The following ATG10 variants were observed in gnomAD, a reference collection of about 807,000 sequenced individuals.
The protein encoded by ATG10 is autophagy related 10, also known as ubiquitin-like-conjugating enzyme ATG10.
Under a neutral mutation model 32.1 loss-of-function variants are expected in ATG10, and 30 were observed. The ratio of observed to expected loss-of-function variants is 0.94; its 90% CI spans 0.70 to 1.27. The LOEUF is 1.27. Ranked by LOEUF, ATG10 falls within the 50% of genes most tolerant of loss-of-function variation. ATG10 has a pLI of 0.00. For synonymous variants in ATG10, 87 were observed against 91.5 expected (o/e 0.95, Z 0.28); for missense variants, 233 against 262.3 (o/e 0.89, Z 0.77).
chr5:82,071,717 A>G (rs1346744705), intron 3 of ATG10, among the ~76,000 whole-genome samples: 1 of 152,082 alleles, frequency 6.6e-6, no homozygotes, highest in African/African-American at 2.4e-5. Flanking sequence ...AAGGTGAAGA[A>G]TGTTAAGTTG....
At chr5:82,140,127 C>T (rs367737206) in intron 3 of ATG10, among the ~76,000 whole-genome samples, 18,559 of 76,314 alleles carry the variant, frequency 0.24, 75 homozygotes, top group East Asian at 0.44. Context: ...CGCCTCTGCC[C>T]GGCCGCCCCT....
chr5:82,200,206 T>G (rs1745010217), intron 5 of ATG10, among the ~76,000 whole-genome samples: 1 of 152,164 alleles, frequency 6.6e-6, no homozygotes, highest in Non-Finnish European at 1.5e-5. Flanking sequence ...CAGACTATTT[T>G]GCAAAGCATT....
intron 3 of ATG10, among the ~76,000 whole-genome samples, chr5:82,108,495 C>T (rs1241180539): frequency 4.0e-5 from 6 of 151,508 alleles, no homozygotes; most frequent in Non-Finnish European, 2.9e-5. Flanking sequence ...GTATATATCT[C>T]ATGTATATGT....
intron 3 of ATG10, among the ~76,000 whole-genome samples, chr5:82,113,856 TG>T (rs1237193366): frequency 6.6e-6 from 1 of 152,086 alleles, no homozygotes; most frequent in East Asian, 1.9e-4. Context: ...CACTTCTTAC[TG>T]GTTTATGAGA....
chr5:81,999,877 C>G (rs1021271986), intron 2 of ATG10, among the ~76,000 whole-genome samples: 3 of 152,114 alleles, frequency 2.0e-5, no homozygotes, highest in South Asian at 2.1e-4. Flanking sequence ...GAAATTGAAT[C>G]AGTAATAAAA....
rs931598093 is a variant in ATG10 at position 82,254,129 on chromosome 5, C to T, written c.*66C>T. On this transcript the variant is annotated 3_prime_UTR_variant, in exon 8 of 8. Transcript: ENST00000282185. ...ATGCCAAGAGTTTACCTGGCCAGCC[C>T]TGGCTTTAATAGGACTGATACCATG... is the stretch of plus-strand genomic sequence containing the variant. The T allele has an allele frequency of 1.3e-5, 2 of 152,212 alleles. No individual in the cohort carries two copies. Among genetic ancestry groups the T allele is most frequent in the African/African-American group, 4.8e-5 (2 of 41,424 alleles). The allele number at this position is 152,212 out of a possible 1,614,324, so 9.4% of individuals were successfully genotyped here. A position where few individuals can be genotyped will look rare whatever the true frequency, so the allele number is the denominator to read the frequency against.
At chr5:82,138,080 C>G (rs1194721288) in intron 3 of ATG10, among the ~76,000 whole-genome samples, 1 of 152,126 alleles carries the variant, frequency 6.6e-6, no homozygotes, top group Non-Finnish European at 1.5e-5. Context: ...CTGTCCCCAG[C>G]AAGCTTGAGT....
intron 3 of ATG10, among the ~76,000 whole-genome samples, chr5:82,110,435 A>G (rs1392286467): frequency 6.6e-6 from 1 of 152,094 alleles, no homozygotes; most frequent in South Asian, 2.1e-4. Flanking sequence ...AAGCATTCCT[A>G]TTTCTCCACA....
chr5:82,172,035 AC>A lies in ATG10; in HGVS notation c.356-6453del. 1.3e-5 allele frequency among the ~76,000 whole-genome samples: 2 copies of A among 152,276 alleles called. 1 individual carries two copies. Among genetic ancestry groups the A allele is most frequent in the South Asian group, 4.1e-4 (2 of 4,822 alleles). On this transcript the variant is annotated intron_variant, in intron 4 of 7. Coordinates refer to ENST00000282185, the MANE Select transcript of ATG10 (RefSeq NM_031482.5). Reference sequence around the variant, plus strand: ...CACCAGGGCTTGGAGAGCTATGACTACCTTGAGCTGTGGTGATCAAGAGAGG... The same window carrying A: ...CACCAGGGCTTGGAGAGCTATGACTACTTGAGCTGTGGTGATCAAGAGAGG...
At chr5:82,003,321 A>G (rs1307679325) in intron 2 of ATG10, among the ~76,000 whole-genome samples, 1 of 152,254 alleles carries the variant, frequency 6.6e-6, no homozygotes, top group African/African-American at 2.4e-5. Flanking sequence ...ATTGTGATCT[A>G]TAAATACCAT....
intron 5 of ATG10, among the ~76,000 whole-genome samples, chr5:82,193,047 T>A (rs562385820): frequency 2.6e-5 from 4 of 152,338 alleles, no homozygotes; most frequent in African/African-American, 7.2e-5. Context: ...CAGATCACAA[T>A]AGGTATGTCC....
At position 82,167,340 on chromosome 5, in the gene ATG10, G is replaced by A. The variant is rs561417736; in HGVS notation, c.355+2803G>A. On this transcript the variant is annotated intron_variant, in intron 4 of 7. Transcript: ENST00000282185. ...TTGATACTGAGTGCCTACAAAGTGA[G>A]AAGCTTTATTTATGGCTTTGTGTGT... 2.6e-5 allele frequency among the ~76,000 whole-genome samples: 4 copies of A among 152,328 alleles called. No homozygotes were observed. In the East Asian group the frequency reaches 5.8e-4, roughly 22 times the overall value.
At chr5:82,043,016 T>C (rs2149729943) in intron 2 of ATG10, among the ~76,000 whole-genome samples, 1 of 152,296 alleles carries the variant, frequency 6.6e-6, no homozygotes, top group South Asian at 2.1e-4. Context: ...GTGGGGACTC[T>C]GTGTAGGGGC....
chr5:82,079,516 A>C (rs144580806), intron 3 of ATG10, among the ~76,000 whole-genome samples: 27,567 of 151,728 alleles, frequency 0.18, 3,051 homozygotes, highest in Middle Eastern at 0.28. Context: ...TCCCTCCCCA[A>C]TCCCCCACCC....
Position 82,203,886 on chromosome 5 carries a change from A to C in ATG10, c.453+25299A>C, listed in dbSNP as rs1745180918. On this transcript the variant is annotated intron_variant, in intron 5 of 7. Transcript: ENST00000282185. ...AGTAAGATAAATATTTAACACTTTT[A>C]TTGCGGTCCCAGGTATAATCAATTT... 2.0e-5 allele frequency among the ~76,000 whole-genome samples: 3 copies of C among 152,128 alleles called. No individual in the cohort carries two copies. In the South Asian group the frequency reaches 6.2e-4, roughly 32 times the overall value.
At chr5:81,984,391 C>T (rs1025887149) in intron 1 of ATG10, among the ~76,000 whole-genome samples, 10 of 152,176 alleles carry the variant, frequency 6.6e-5, no homozygotes, top group Admixed American at 2.6e-4. Flanking sequence ...AGTCCAGCTT[C>T]GGCTCAGCAT....
chr5:82,101,763 C>T (rs951656645), intron 3 of ATG10, among the ~76,000 whole-genome samples: 1 of 152,078 alleles, frequency 6.6e-6, no homozygotes, highest in Non-Finnish European at 1.5e-5. Context: ...TAGGAAGAGA[C>T]CTGATATGTA....
At chr5:82,207,926 GT>G (rs1478502797) in intron 5 of ATG10, among the ~76,000 whole-genome samples, 1 of 152,002 alleles carries the variant, frequency 6.6e-6, no homozygotes, top group Non-Finnish European at 1.5e-5. Flanking sequence ...GGACAGATTT[GT>G]TTTCTAGATA....
chr5:82,049,510 C>T (rs946825208), intron 2 of ATG10, among the ~76,000 whole-genome samples: 5 of 151,784 alleles, frequency 3.3e-5, no homozygotes, highest in Non-Finnish European at 7.4e-5. Flanking sequence ...TGTAACCAAC[C>T]TGCACATTGT....
Sources: allele counts gnomAD v4.1 joint callset (sites outside exome capture counted in the v4.1 genomes callset), GRCh38; gene constraint gnomAD v4.1.1; transcripts MANE v1.5; gene names NCBI Gene and HGNC (gene_info 2026-07-23, HGNC 2026-07-21).